Variants in CCDC91 observed in about 807,000 individuals in gnomAD.
The protein encoded by CCDC91 is coiled-coil domain-containing protein 91.
A neutral mutation model predicts 63.2 loss-of-function variants in CCDC91; 48 were observed. The ratio of observed to expected loss-of-function variants is 0.76; its 90% CI spans 0.60 to 0.97. The LOEUF (loss-of-function observed/expected upper bound fraction) is 0.97. CCDC91 is among the 50% of genes least tolerant of loss of function. The pLI, the probability that CCDC91 is intolerant of heterozygous loss-of-function variation, is 0.00. For missense variants in CCDC91, 500 were observed against 494.6 expected (o/e 1.01, Z -0.10); for synonymous variants, 167 against 165.8 (o/e 1.01, Z -0.06).
intron 12 of CCDC91, among the ~76,000 whole-genome samples, chr12:28,518,921 A>G (rs1940264621): frequency 6.6e-6 from 1 of 151,812 alleles, no homozygotes; most frequent in East Asian, 1.9e-4. Context: ...TCTTTTCCCC[A>G]CTTCATATTT....
At chr12:28,424,390 G>A (rs548158249) in intron 8 of CCDC91, among the ~76,000 whole-genome samples, 19 of 152,138 alleles carry the variant, frequency 1.2e-4, no homozygotes, top group Middle Eastern at 3.4e-3. Context: ...CGATTTGTTC[G>A]TCAGAATGTT....
chr12:28,457,607 G>A (rs1950111388), intron 11 of CCDC91, among the ~76,000 whole-genome samples: 2 of 151,366 alleles, frequency 1.3e-5, no homozygotes, highest in African/African-American at 2.4e-5. Flanking sequence ...ATTTACTGAG[G>A]AGATAAATGT....
At chr12:28,361,724 CCTAT>C (rs937669092) in intron 6 of CCDC91, among the ~76,000 whole-genome samples, 2 of 151,866 alleles carry the variant, frequency 1.3e-5, no homozygotes, top group African/African-American at 4.8e-5. Flanking sequence ...AAATCTCTAT[CCTAT>C]CTGTTTTCTC....
chr12:28,324,058 T>G (rs1940764639), intron 6 of CCDC91, among the ~76,000 whole-genome samples: 1 of 151,688 alleles, frequency 6.6e-6, no homozygotes, highest in African/African-American at 2.4e-5. Context: ...TGAGATGGAG[T>G]TAGAGAGACC....
intron 1 of CCDC91, among the ~76,000 whole-genome samples, chr12:28,234,151 A>T (rs1944779361): frequency 6.6e-6 from 1 of 152,148 alleles, no homozygotes; most frequent in South Asian, 2.1e-4. Context: ...TTATAAAAAT[A>T]TTTTTGGCTA....
chr12:28,231,430 T>G (rs1326248953), intron 1 of CCDC91, among the ~76,000 whole-genome samples: 2 of 152,344 alleles, frequency 1.3e-5, no homozygotes, highest in East Asian at 1.9e-4. Flanking sequence ...GAAATATCTT[T>G]GTACATCCTT....
intron 6 of CCDC91, among the ~76,000 whole-genome samples, chr12:28,308,656 T>G (rs1188750640): frequency 2.6e-5 from 4 of 152,018 alleles, no homozygotes; most frequent in Admixed American, 2.6e-4. Flanking sequence ...ACCTGCATGG[T>G]TTTCTTCATA....
At chr12:28,354,025 T>C in intron 6 of CCDC91, among the ~76,000 whole-genome samples, 1 of 152,160 alleles carries the variant, frequency 6.6e-6, no homozygotes, top group Non-Finnish European at 1.5e-5. Context: ...CAAACCTTCA[T>C]GTGTACCCCT....
chr12:28,452,577 AC>A lies in CCDC91; in HGVS notation c.1025del (p.Thr342LysfsTer24), dbSNP rs1339680665. 9 of 1,591,472 alleles carry A rather than the reference AC, an allele frequency of 5.7e-6. No individual in the cohort carries two copies. The highest frequency in any genetic ancestry group is 7.7e-6 in the Non-Finnish European group (9 of 1,169,618). On this transcript the variant is annotated frameshift_variant, in exon 11 of 13. Coordinates refer to ENST00000536442, the MANE Select transcript of CCDC91 (RefSeq NM_018318.5). LOFTEE classifies it high-confidence loss of function. ...TGCTGAAGAAAGGGAATTATGGAAGACAGAACATGCAAAAGATCAAGAAAAA... is the reference window on the plus strand; with the variant it reads ...TGCTGAAGAAAGGGAATTATGGAAGAAGAACATGCAAAAGATCAAGAAAAA... ...AHAEERELWKTEHAKDQEKVS... is the reference protein window; with the variant it reads ...AHAEERELWKXEHAKDQEKVS...
At chr12:28,264,199 G>A (rs915597148) in intron 3 of CCDC91, among the ~76,000 whole-genome samples, 12 of 151,460 alleles carry the variant, frequency 7.9e-5, no homozygotes, top group African/African-American at 2.9e-4. Flanking sequence ...TATATTACAG[G>A]TCTAGAAGGA....
chr12:28,279,735 G>A (rs1465791012), intron 3 of CCDC91, among the ~76,000 whole-genome samples: 1 of 144,080 alleles, frequency 6.9e-6, no homozygotes, highest in African/African-American at 2.6e-5. Flanking sequence ...TTTTTTTTTT[G>A]TACTAGCACA....
intron 12 of CCDC91, among the ~76,000 whole-genome samples, chr12:28,503,115 G>A (rs1434232388): frequency 6.6e-6 from 1 of 152,092 alleles, no homozygotes; most frequent in East Asian, 1.9e-4. Flanking sequence ...CTTCTGCACA[G>A]CAAAAGAAAC....
intron 12 of CCDC91, among the ~76,000 whole-genome samples, chr12:28,497,266 G>A (rs1049063971): frequency 6.6e-6 from 1 of 151,146 alleles, no homozygotes; most frequent in Non-Finnish European, 1.5e-5. Flanking sequence ...TGTTATCCAT[G>A]GCCTCTGCTA....
Position 28,238,535 on chromosome 12 carries a change from ATATT to A in CCDC91, c.-14-18663_-14-18660del, listed in dbSNP as rs577574600. ...TAATATCTATTAAAATTAAAAAAAT[ATATT>A]TATACCAGTTGACCGTGCAGTCTTA... On this transcript the variant is annotated intron_variant, in intron 1 of 12. Coordinates refer to ENST00000536442, the MANE Select transcript of CCDC91 (RefSeq NM_018318.5). 3.4e-3 allele frequency among the ~76,000 whole-genome samples: 525 copies of A among 152,282 alleles called. 2 individuals are homozygous for A. The highest frequency in any genetic ancestry group is 6.4e-3 in the Non-Finnish European group (435 of 68,020).
chr12:28,538,951 G>A (rs1189348694), intron 12 of CCDC91, among the ~76,000 whole-genome samples: 3 of 152,112 alleles, frequency 2.0e-5, no homozygotes, highest in African/African-American at 7.2e-5. Flanking sequence ...TTTTGATGGG[G>A]TTGTTTGTTT....
At chr12:28,529,918 G>A (rs915733255) in intron 12 of CCDC91, among the ~76,000 whole-genome samples, 2 of 152,094 alleles carry the variant, frequency 1.3e-5, no homozygotes, top group Non-Finnish European at 2.9e-5. Context: ...ATAACTGCTT[G>A]TAATTTAGGT....
rs73263493 is a variant in CCDC91, at chr12:28,369,775, G to T, written c.654+7260G>T. ...TCCCAAATCTCAACCCTTGCCTTCT[G>T]TGCACCTGCAGTGCCAACACCACAT... is the stretch of plus-strand genomic sequence containing the variant. On this transcript the variant is annotated intron_variant, in intron 7 of 12. Coordinates refer to ENST00000536442, the MANE Select transcript of CCDC91 (RefSeq NM_018318.5). Among the ~76,000 whole-genome samples, 210 of 152,256 alleles carry T rather than the reference G, an allele frequency of 1.4e-3. 1 individual carries two copies. The highest frequency in any genetic ancestry group is 4.8e-3 in the African/African-American group (201 of 41,536).
intron 12 of CCDC91, among the ~76,000 whole-genome samples, chr12:28,530,287 C>G (rs1941624800): frequency 6.6e-6 from 1 of 152,212 alleles, no homozygotes; most frequent in Non-Finnish European, 1.5e-5. Flanking sequence ...AAAACTCAAA[C>G]TAGCGTATGA....
In CCDC91 at chr12:28,267,817, TATATTATTA is replaced by T. The variant is rs1395151307; in HGVS notation, c.109+8380_109+8388del. Among the ~76,000 whole-genome samples the T allele has an allele frequency of 2.7e-3, 111 of 41,648 alleles. 11 individuals carry two copies. The highest frequency in any genetic ancestry group is 0.011 in the South Asian group (18 of 1,690). 27.3% of individuals were successfully genotyped at this position (41,648 alleles called of 152,430 possible). A position where few individuals can be genotyped will look rare whatever the true frequency, so the allele number is the denominator to read the frequency against. On this transcript the variant is annotated intron_variant, in intron 3 of 12. Coordinates refer to ENST00000536442, the MANE Select transcript of CCDC91 (RefSeq NM_018318.5). ...ATATAATTATATAGTAATATATAATTATATTATTAATATATAATTATATATAATTATATA... is the reference window on the plus strand; with the variant it reads ...ATATAATTATATAGTAATATATAATTATATATAATTATATATAATTATATA...
Sources: allele counts gnomAD v4.1 joint callset (sites outside exome capture counted in the v4.1 genomes callset), GRCh38; gene constraint gnomAD v4.1.1; transcripts MANE v1.5; gene names NCBI Gene and HGNC (gene_info 2026-07-23, HGNC 2026-07-21).